The following C4BPA variants were observed in gnomAD, a reference collection of about 807,000 sequenced individuals.
C4BPA encodes the protein C4b-binding protein alpha chain.
C4BPA carries 31 observed loss-of-function variants against 63.7 expected under a neutral mutation model. The observed-to-expected ratio is 0.49, with a 90% CI of 0.37 to 0.66. The LOEUF (loss-of-function observed/expected upper bound fraction) is 0.66, where lower values mean the gene tolerates loss of function less well. Ranked by LOEUF, C4BPA falls within the 30% of genes least tolerant of loss-of-function variation. The probability of loss-of-function intolerance (pLI) is 0.00; values close to 1 mark genes in which losing one functional copy is unlikely to be tolerated. For synonymous variants in C4BPA, 259 were observed against 254.7 expected (o/e 1.02, Z -0.16); for missense variants, 572 against 723.3 (o/e 0.79, Z 2.40).
chr1:207,144,573 C>T lies in C4BPA; in HGVS notation c.1650C>T (p.Leu550=), dbSNP rs747847966. The T allele has an allele frequency of 1.4e-5, 23 of 1,612,262 alleles. No homozygotes were observed. The highest frequency in any genetic ancestry group is 1.9e-5 in the Non-Finnish European group (23 of 1,179,560). ...WETPEGCEQV[L]TGKRLMQCLP... ...CCCCCGAAGGCTGTGAACAAGTGCT[C>T]ACAGGCAAAAGACTCATGCAGTGTC... The change falls in exon 12 of 12, where the codon CTC becomes CTT. Residue 550 remains leucine (L), a synonymous_variant. Coordinates refer to ENST00000367070, the MANE Select transcript of C4BPA (RefSeq NM_000715.4).
chr1:207,130,378 G>A (rs999579436), intron 7 of C4BPA, among the ~76,000 whole-genome samples: 4 of 152,162 alleles, frequency 2.6e-5, no homozygotes, highest in African/African-American at 9.7e-5. Context: ...AACCATTTTG[G>A]AAAAGAGTTT....
chr1:207,139,326 T>A (rs532518690), intron 9 of C4BPA, among the ~76,000 whole-genome samples: 1 of 152,368 alleles, frequency 6.6e-6, no homozygotes, highest in South Asian at 2.1e-4. Flanking sequence ...AGTAGACAGA[T>A]AAGAATTTAA....
intron 4 of C4BPA, among the ~76,000 whole-genome samples, chr1:207,121,076 G>A (rs1025492357): frequency 2.6e-5 from 4 of 152,212 alleles, no homozygotes; most frequent in Non-Finnish European, 4.4e-5. Flanking sequence ...CCAAACTGCT[G>A]AGATTACAGG....
rs962220855 is a variant in C4BPA, at chr1:207,144,823, A to C, written c.*106A>C. 2 of 573,968 alleles carry C rather than the reference A, an allele frequency of 3.5e-6. No homozygotes were observed. The highest frequency in any genetic ancestry group is 5.6e-6 in the Non-Finnish European group (2 of 354,850). The allele number at this position is 573,968 out of a possible 1,614,324, so 35.6% of individuals were successfully genotyped here. A position where few individuals can be genotyped will look rare whatever the true frequency, so the allele number is the denominator to read the frequency against. On this transcript the variant is annotated 3_prime_UTR_variant, in exon 12 of 12. Transcript: ENST00000367070. ...TGTCAATTTGGCAGTGATATTCATC[A>C]TAATAAATATCTAGAAATGATAATT...
chr1:207,113,365 T>C (rs1286491191), intron 2 of C4BPA, among the ~76,000 whole-genome samples, 198 bp downstream of exon 2: 1 of 152,234 alleles, frequency 6.6e-6, no homozygotes, highest in Non-Finnish European at 1.5e-5. Flanking sequence ...CACTTTCCCC[T>C]AGATTTTTAT....
intron 7 of C4BPA, among the ~76,000 whole-genome samples, chr1:207,128,932 T>G (rs1685104849): frequency 6.6e-6 from 1 of 151,882 alleles, no homozygotes; most frequent in Non-Finnish European, 1.5e-5. Context: ...AAGCCAACAA[T>G]AGAAACTGTT....
chr1:207,123,856 C>G (rs957979434), intron 4 of C4BPA, 66 bp from the exon 5 acceptor site: 2 of 873,984 alleles, frequency 2.3e-6, no homozygotes, highest in Non-Finnish European at 3.7e-6. Flanking sequence ...TCTATTTGCT[C>G]AGACCTCTTT....
intron 7 of C4BPA, among the ~76,000 whole-genome samples, chr1:207,129,267 G>A (rs1351007595): frequency 6.6e-6 from 1 of 151,212 alleles, no homozygotes; most frequent in Non-Finnish European, 1.5e-5. Context: ...AAAGAATGAG[G>A]AAAAATAAAT....
rs1380087463 is a variant in C4BPA at position 207,144,966 on chromosome 1, A to G, written c.*249A>G. ...TTTTCGATTAAAAATGTATGTATAA[A>G]AAACTATTTTGTCTTTGTGGTCATT... On this transcript the variant is annotated 3_prime_UTR_variant, in exon 12 of 12. Coordinates refer to ENST00000367070, the MANE Select transcript of C4BPA (RefSeq NM_000715.4). 8.1e-6 allele frequency: 2 copies of G among 247,164 alleles called. No homozygotes were observed. The highest frequency in any genetic ancestry group is 2.2e-5 in the African/African-American group (1 of 44,568). The allele number at this position is 247,164 out of a possible 1,614,324, so 15.3% of individuals were successfully genotyped here.
At chr1:207,141,085 C>A in intron 9 of C4BPA, 21 bp from the exon 10 acceptor site, 1 of 1,596,534 alleles carries the variant, frequency 6.3e-7, no homozygotes. Flanking sequence ...TGCTCTCTCA[C>A]TTTTTTGTCT....
chr1:207,133,722 C>T (rs192839196), intron 8 of C4BPA, among the ~76,000 whole-genome samples: 1 of 152,246 alleles, frequency 6.6e-6, no homozygotes, highest in African/African-American at 2.4e-5. Context: ...ATAATTGTGC[C>T]CTGTACTCCA....
chr1:207,143,924 G>C lies in C4BPA; in HGVS notation c.1551G>C (p.Val517=), dbSNP rs199867491. Residue 517 remains valine (V), a synonymous_variant, in exon 11 of 12, where the codon GTG becomes GTC. Coordinates refer to ENST00000367070, the MANE Select transcript of C4BPA (RefSeq NM_000715.4). ...VTIQCDSGYG[V]VGPQSITCSG... Reference sequence around the variant, plus strand: ...TCCAATGTGATTCTGGCTATGGTGTGGTTGGTCCCCAAAGTATCACTTGCT... The same window carrying C: ...TCCAATGTGATTCTGGCTATGGTGTCGTTGGTCCCCAAAGTATCACTTGCT... The C allele has an allele frequency of 3.1e-6, 5 of 1,612,072 alleles. No homozygotes were observed. The Admixed American group carries it at 8.4e-5, about 27-fold the overall frequency.
chr1:207,107,652 G>A (rs1684587181), intron 1 of C4BPA, among the ~76,000 whole-genome samples: 1 of 152,186 alleles, frequency 6.6e-6, no homozygotes, highest in African/African-American at 2.4e-5. Flanking sequence ...GGACAGATAG[G>A]GGAACCTATG....
chr1:207,113,316 G>A, intron 2 of C4BPA, 149 bp downstream of exon 2: 1 of 819,292 alleles, frequency 1.2e-6, no homozygotes, highest in Non-Finnish European at 1.9e-6. Context: ...TAGAACTTAG[G>A]GAAATTTGCT....
chr1:207,125,736 T>C (rs1044404281), intron 6 of C4BPA, among the ~76,000 whole-genome samples: 6 of 152,132 alleles, frequency 3.9e-5, no homozygotes, highest in African/African-American at 7.2e-5. Flanking sequence ...GAGAAAGAAA[T>C]TTCCATAATT....
intron 9 of C4BPA, among the ~76,000 whole-genome samples, chr1:207,135,151 A>G (rs908786515): frequency 5.3e-5 from 8 of 152,090 alleles, no homozygotes; most frequent in African/African-American, 1.4e-4. Context: ...AGCCTGGCCA[A>G]TATGGCGAAA....
chr1:207,112,693 A>G (rs986811066), intron 1 of C4BPA, among the ~76,000 whole-genome samples: 5 of 152,078 alleles, frequency 3.3e-5, no homozygotes, highest in African/African-American at 7.2e-5. Context: ...AATATTATCT[A>G]TTGTTCCCTC....
chr1:207,110,470 A>C (rs1263025425), intron 1 of C4BPA, among the ~76,000 whole-genome samples: 1 of 152,176 alleles, frequency 6.6e-6, no homozygotes, highest in African/African-American at 2.4e-5. Flanking sequence ...CAAAGTATCA[A>C]TTTATCTAAC....
At chr1:207,135,655 C>T (rs894512957) in intron 9 of C4BPA, among the ~76,000 whole-genome samples, 4 of 152,162 alleles carry the variant, frequency 2.6e-5, no homozygotes, top group Admixed American at 6.5e-5. Context: ...TGGACCCATG[C>T]ATTTATTTTA....
Sources: allele counts gnomAD v4.1 joint callset (sites outside exome capture counted in the v4.1 genomes callset), GRCh38; gene constraint gnomAD v4.1.1; transcripts MANE v1.5; gene names NCBI Gene and HGNC (gene_info 2026-07-23, HGNC 2026-07-21).